Variants in ARHGAP12 observed in about 807,000 individuals in gnomAD.
The protein encoded by ARHGAP12 is rho GTPase-activating protein 12.
ARHGAP12 carries 64 observed loss-of-function variants against 108.6 expected under a neutral mutation model. That is an observed-to-expected ratio of 0.59 (90% confidence interval 0.48 to 0.73). ARHGAP12 has a LOEUF of 0.73. Ranked by LOEUF, ARHGAP12 falls within the 30% of genes least tolerant of loss-of-function variation. The pLI is 0.00. For missense variants in ARHGAP12, 940 were observed against 1,005.9 expected (o/e 0.93, Z 0.89); for synonymous variants, 312 against 337.2 (o/e 0.93, Z 0.82).
Position 31,843,558 on chromosome 10 carries a change from TC to T in ARHGAP12, c.1198del (p.Glu400LysfsTer2). 6.2e-7 allele frequency: 1 copy of T among 1,609,296 alleles called. No homozygotes were observed. The highest frequency in any genetic ancestry group is 8.5e-7 in the Non-Finnish European group (1 of 1,178,700). Reference sequence around the variant, plus strand: ...GTCCAGGCTCCTACTTTTAATTATTTCTCTTTGCTGCTGGGATGAAGCATTA... The same window carrying T: ...GTCCAGGCTCCTACTTTTAATTATTTTCTTTGCTGCTGGGATGAAGCATTA... ...KYNASSQQQR[E>X]IIKSRSLDRR... On this transcript the variant is annotated frameshift_variant, in exon 7 of 20. Coordinates refer to ENST00000344936, the MANE Select transcript of ARHGAP12 (RefSeq NM_018287.7). LOFTEE classifies it high-confidence loss of function.
chr10:31,843,351 A>G, intron 7 of ARHGAP12, 110 bp downstream of exon 7: 1 of 1,218,642 alleles, frequency 8.2e-7, no homozygotes, highest in Admixed American at 2.7e-5. Context: ...AAAGAAATCA[A>G]ATGTTTTAGC....
At chr10:31,890,667 A>G (rs76479296) in intron 3 of ARHGAP12, among the ~76,000 whole-genome samples, 3,654 of 152,274 alleles carry the variant, frequency 0.024, 160 homozygotes, top group African/African-American at 0.082. Flanking sequence ...GCAAGCTAGG[A>G]TTTGGATGAA....
At chr10:31,858,063 G>T (rs970673434) in intron 4 of ARHGAP12, among the ~76,000 whole-genome samples, 5 of 152,078 alleles carry the variant, frequency 3.3e-5, no homozygotes, top group African/African-American at 1.2e-4. Context: ...AATTAGCCAG[G>T]CATGGTAGTT....
At chr10:31,815,343 A>G (rs1483976372) in intron 13 of ARHGAP12, among the ~76,000 whole-genome samples, 1 of 152,190 alleles carries the variant, frequency 6.6e-6, no homozygotes. Flanking sequence ...CACCAGCACC[A>G]TCTGCTTCCT....
intron 4 of ARHGAP12, among the ~76,000 whole-genome samples, chr10:31,860,357 A>G (rs1191318285): frequency 6.6e-6 from 1 of 152,174 alleles, no homozygotes; most frequent in Non-Finnish European, 1.5e-5. Flanking sequence ...AGGGACTCCA[A>G]CCTACCAAAT....
chr10:31,817,738 A>G, intron 13 of ARHGAP12, 50 bp downstream of exon 13: 1 of 1,316,822 alleles, frequency 7.6e-7, no homozygotes, highest in Non-Finnish European at 1.1e-6. Context: ...TTAAAAAAAA[A>G]AAAGAAAAAC....
chr10:31,901,916 GAC>G (rs1838945225), intron 3 of ARHGAP12, among the ~76,000 whole-genome samples: 12 of 152,064 alleles, frequency 7.9e-5, no homozygotes, highest in Non-Finnish European at 1.5e-5. Flanking sequence ...CTCTTATAAA[GAC>G]ATTTGTGATT....
intron 7 of ARHGAP12, among the ~76,000 whole-genome samples, chr10:31,842,923 CA>C (rs1203240226): frequency 6.6e-6 from 1 of 152,026 alleles, no homozygotes; most frequent in African/African-American, 2.4e-5. Context: ...GTTTTTGAAA[CA>C]GAGGACATTA....
chr10:31,824,295 T>C lies in ARHGAP12; in HGVS notation c.1530+2009A>G, dbSNP rs529651006. On this transcript the variant is annotated intron_variant, in intron 11 of 19. Coordinates refer to ENST00000344936, the MANE Select transcript of ARHGAP12 (RefSeq NM_018287.7). ...GACTATAAAATGGTGTGGTTATGTT[T>C]TTTAAAATTATACCTGTCTGAACTG... Among the ~76,000 whole-genome samples the C allele has an allele frequency of 2.2e-4, 33 of 152,330 alleles. No individual in the cohort carries two copies. In the South Asian group the frequency reaches 6.8e-3, roughly 32 times the overall value.
At chr10:31,857,516 C>G (rs2808087) in intron 4 of ARHGAP12, among the ~76,000 whole-genome samples, 69,045 of 151,804 alleles carry the variant, frequency 0.45, 16,054 homozygotes, top group Middle Eastern at 0.51. Flanking sequence ...TGGGGGCGAG[C>G]CTATATTCAG....
In ARHGAP12 at chr10:31,854,154, CTA is replaced by C; in HGVS notation, c.999_1000del (p.Asp333GlufsTer16). 1 of 1,613,730 alleles carries C rather than the reference CTA, an allele frequency of 6.2e-7. No individual in the cohort carries two copies. Among genetic ancestry groups the C allele is most frequent in the Non-Finnish European group, 8.5e-7 (1 of 1,179,816 alleles). ...ACCCCTTGGAGGAGAACCACACTGA[CTA>C]TCTGACTGGCTGTAAGAAGTGCTGT... On this transcript the variant is annotated frameshift_variant, in exon 5 of 20. Coordinates refer to ENST00000344936, the MANE Select transcript of ARHGAP12 (RefSeq NM_018287.7). LOFTEE classifies it high-confidence loss of function.
At chr10:31,926,121 T>G (rs1348346934) in intron 1 of ARHGAP12, among the ~76,000 whole-genome samples, 1 of 152,198 alleles carries the variant, frequency 6.6e-6, no homozygotes, top group Non-Finnish European at 1.5e-5. Context: ...AGGTGATTCC[T>G]ATGCACGTTA....
At position 31,805,938 on chromosome 10, in the gene ARHGAP12, C is replaced by A. The variant is rs941379300; in HGVS notation, c.*1720G>T. On this transcript the variant is annotated 3_prime_UTR_variant, in exon 20 of 20. Transcript: ENST00000344936. ...GTAGTTTGGTTTGTTATCAATTTAA[C>A]ACGCTCACAACAACAAATACAGACT... 6.6e-6 allele frequency: 1 copy of A among 152,142 alleles called. No individual in the cohort carries two copies. Among genetic ancestry groups the A allele is most frequent in the Non-Finnish European group, 1.5e-5 (1 of 68,016 alleles). The allele number at this position is 152,142 out of a possible 1,614,324, so 9.4% of individuals were successfully genotyped here. A position where few individuals can be genotyped will look rare whatever the true frequency, so the allele number is the denominator to read the frequency against.
At chr10:31,871,290 T>C (rs1236683994) in intron 3 of ARHGAP12, among the ~76,000 whole-genome samples, 1 of 152,214 alleles carries the variant, frequency 6.6e-6, no homozygotes, top group African/African-American at 2.4e-5. Context: ...TTCGTTATCA[T>C]GGTATCTTTA....
intron 15 of ARHGAP12, 39 bp downstream of exon 15, chr10:31,812,668 C>T (rs745549327): frequency 8.0e-6 from 10 of 1,251,968 alleles, no homozygotes; most frequent in Admixed American, 2.0e-5. Context: ...ATGACGTAGG[C>T]CAACATTCAT....
chr10:31,870,076 C>T (rs1384251456), intron 3 of ARHGAP12, among the ~76,000 whole-genome samples: 1 of 152,090 alleles, frequency 6.6e-6, no homozygotes, highest in African/African-American at 2.4e-5. Flanking sequence ...TGGAAAAAAA[C>T]ATTTACCACA....
At chr10:31,817,724 G>T in intron 13 of ARHGAP12, 64 bp downstream of exon 13, 2 of 1,024,822 alleles carry the variant, frequency 2.0e-6, no homozygotes, top group Non-Finnish European at 1.4e-6. Context: ...TATCCAATAA[G>T]CAATTAAAAA....
At chr10:31,839,538 TAGA>T (rs1836169007) in intron 8 of ARHGAP12, 96 bp downstream of exon 8, 1 of 1,221,220 alleles carries the variant, frequency 8.2e-7, no homozygotes, top group South Asian at 1.6e-5. Context: ...TGAAATTTAA[TAGA>T]AGCTCATTTA....
intron 1 of ARHGAP12, among the ~76,000 whole-genome samples, chr10:31,920,519 A>T (rs1486183644): frequency 6.6e-6 from 1 of 151,554 alleles, no homozygotes; most frequent in African/African-American, 2.4e-5. Flanking sequence ...ATGAACTATT[A>T]CCAATCCCTC....
Sources: allele counts gnomAD v4.1 joint callset (sites outside exome capture counted in the v4.1 genomes callset), GRCh38; gene constraint gnomAD v4.1.1; transcripts MANE v1.5; gene names NCBI Gene and HGNC (gene_info 2026-07-23, HGNC 2026-07-21).